The following KRCC1 variants were observed in gnomAD, a reference collection of about 807,000 sequenced individuals.
KRCC1 encodes lysine rich coiled-coil 1, also known as lysine-rich coiled-coil protein 1.
In KRCC1, 3 loss-of-function variants were observed where a neutral mutation model predicts 7.4. That is an observed-to-expected ratio of 0.40 (90% confidence interval 0.18 to 1.04). KRCC1 has a LOEUF of 1.04. Ranked by LOEUF, KRCC1 falls within the 50% of genes least tolerant of loss-of-function variation. KRCC1 has a pLI of 0.33. For synonymous variants in KRCC1, 102 were observed against 101.6 expected (o/e 1.00, Z -0.02); for missense variants, 277 against 300.9 (o/e 0.92, Z 0.59).
At chr2:88,052,325 T>C (rs994174432) in intron 1 of KRCC1, among the ~76,000 whole-genome samples, 7 of 152,264 alleles carry the variant, frequency 4.6e-5, no homozygotes, top group Non-Finnish European at 7.3e-5. Context: ...ATTTGTCTTA[T>C]GCATTTTTTG....
chr2:88,045,313 C>T (rs77263130), intron 1 of KRCC1, among the ~76,000 whole-genome samples: 113 of 152,276 alleles, frequency 7.4e-4, no homozygotes, highest in African/African-American at 2.7e-3. Context: ...ACAGCCAAAA[C>T]CTGAAACAAC....
Position 88,027,910 on chromosome 2 carries a change from C to T in KRCC1, c.654G>A (p.Lys218=). ...HVSTEKLKNR[K]EKKSRDVVSK... Reference sequence around the variant, plus strand: ...AGACTACATCTCGGCTTTTTTTCTCCTTTCGATTCTTAAGCTTTTCTGTAC... The same window carrying T: ...AGACTACATCTCGGCTTTTTTTCTCTTTTCGATTCTTAAGCTTTTCTGTAC... Residue 218 remains lysine (K), a synonymous_variant, in exon 4 of 4, where the codon AAG becomes AAA. Transcript: ENST00000347055. The T allele has an allele frequency of 1.2e-6, 2 of 1,613,316 alleles. No homozygotes were observed. Among genetic ancestry groups the T allele is most frequent in the Non-Finnish European group, 1.7e-6 (2 of 1,179,822 alleles).
chr2:88,055,460 G>A (rs1456914992), intron 1 of KRCC1, among the ~76,000 whole-genome samples, 166 bp downstream of exon 1: 1 of 151,914 alleles, frequency 6.6e-6, no homozygotes, highest in Non-Finnish European at 1.5e-5. Context: ...TCTCTTTCCG[G>A]GGGCGGCGGC....
intron 1 of KRCC1, among the ~76,000 whole-genome samples, chr2:88,051,869 G>A (rs774141476): frequency 3.3e-5 from 5 of 152,230 alleles, no homozygotes; most frequent in Non-Finnish European, 7.3e-5. Context: ...TAAAAGAACT[G>A]AGTTTGGTTG....
At chr2:88,044,687 T>C (rs1479049226) in intron 1 of KRCC1, among the ~76,000 whole-genome samples, 1 of 152,044 alleles carries the variant, frequency 6.6e-6, no homozygotes, top group African/African-American at 2.4e-5. Context: ...AGCCATGCTG[T>C]CTAGTAAAAA....
At chr2:88,043,708 T>C (rs934689429) in intron 1 of KRCC1, among the ~76,000 whole-genome samples, 3 of 152,248 alleles carry the variant, frequency 2.0e-5, no homozygotes, top group African/African-American at 7.2e-5. Flanking sequence ...TTGCTCTTGC[T>C]GCCTAGGCTG....
chr2:88,028,340 C>T lies in KRCC1; in HGVS notation c.224G>A (p.Cys75Tyr), dbSNP rs781355605. 1.2e-6 allele frequency: 2 copies of T among 1,614,128 alleles called. No individual in the cohort carries two copies. Among genetic ancestry groups the T allele is most frequent in the South Asian group, 1.1e-5 (1 of 91,054 alleles). ...SETIQTYPRS[C>Y]NIPQTVENRL... Reference sequence around the variant, plus strand: ...ATTTTCCACTGTTTGTGGAATATTGCATGATCTTGGGTAGGTCTGGATGGT... The same window carrying T: ...ATTTTCCACTGTTTGTGGAATATTGTATGATCTTGGGTAGGTCTGGATGGT... Residue 75 changes from cysteine to tyrosine, a missense_variant, in exon 4 of 4, where the codon TGC becomes TAC. Cys to Tyr is a radical substitution (Grantham distance 194). Coordinates refer to ENST00000347055, the MANE Select transcript of KRCC1 (RefSeq NM_016618.3).
intron 1 of KRCC1, among the ~76,000 whole-genome samples, chr2:88,046,760 T>C (rs530700190): frequency 1.4e-3 from 206 of 152,336 alleles, no homozygotes; most frequent in Non-Finnish European, 2.6e-3. Flanking sequence ...AGCCTCAACC[T>C]CCCAGGCTCA....
At chr2:88,035,724 C>T (rs901559854) in intron 2 of KRCC1, among the ~76,000 whole-genome samples, 12 of 152,060 alleles carry the variant, frequency 7.9e-5, no homozygotes, top group Non-Finnish European at 1.3e-4. Flanking sequence ...TGTATATTTT[C>T]TGTATTTTTC....
rs148814982 is a variant in KRCC1 at position 88,028,049 on chromosome 2, T to G, written c.515A>C (p.Glu172Ala). Reference protein sequence around the residue: ...RHPEEGREKSEEERSKHKRKK... With the variant: ...RHPEEGREKSAEERSKHKRKK... ...TCTCTTATGCTTAGACCGCTCCTCC[T>G]CTGATTTTTCTCTGCCTTCCTCTGG... Residue 172 changes from glutamate (E) to alanine (A), a missense_variant, in exon 4 of 4, where the codon GAG becomes GCG. Coordinates refer to ENST00000347055, the MANE Select transcript of KRCC1 (RefSeq NM_016618.3). 2.9e-4 allele frequency: 476 copies of G among 1,614,192 alleles called. No individual in the cohort carries two copies. Among genetic ancestry groups the G allele is most frequent in the Non-Finnish European group, 3.8e-4 (454 of 1,180,026 alleles).
chr2:88,037,870 G>C (rs969825138), intron 1 of KRCC1, among the ~76,000 whole-genome samples: 5 of 152,216 alleles, frequency 3.3e-5, no homozygotes, highest in African/African-American at 9.7e-5. Flanking sequence ...CTCACTTAAT[G>C]AATTATCTAT....
chr2:88,037,737 A>AC (rs1284090995), intron 1 of KRCC1, among the ~76,000 whole-genome samples: 1 of 152,188 alleles, frequency 6.6e-6, no homozygotes, highest in Non-Finnish European at 1.5e-5. Flanking sequence ...GTGGTAGGCA[A>AC]CCTTCTTCCA....
chr2:88,027,764 G>A lies in KRCC1; in HGVS notation c.*20C>T, dbSNP rs1672901512. 6.5e-7 allele frequency: 1 copy of A among 1,550,056 alleles called. No individual in the cohort carries two copies. The highest frequency in any genetic ancestry group is 1.4e-5 in the African/African-American group (1 of 72,024). The stretch of plus-strand genomic sequence containing the variant: ...ACCTATTTTTTCAATTTAACTTTGG[G>A]AGAACCAACTTTGAAAGCTTCAAAA... On this transcript the variant is annotated 3_prime_UTR_variant, in exon 4 of 4. Transcript: ENST00000347055.
At chr2:88,044,292 G>A (rs550018486) in intron 1 of KRCC1, among the ~76,000 whole-genome samples, 26 of 152,076 alleles carry the variant, frequency 1.7e-4, no homozygotes, top group African/African-American at 6.0e-4. Flanking sequence ...AGTGGCTAAC[G>A]CCTGCAGTCT....
chr2:88,030,100 G>A (rs528223211), intron 3 of KRCC1, among the ~76,000 whole-genome samples: 8 of 150,470 alleles, frequency 5.3e-5, no homozygotes, highest in East Asian at 4.1e-4. Flanking sequence ...TGCCTGCCTC[G>A]GCCTCCCAAA....
At chr2:88,052,040 C>T (rs977092221) in intron 1 of KRCC1, among the ~76,000 whole-genome samples, 8 of 152,350 alleles carry the variant, frequency 5.3e-5, no homozygotes, top group East Asian at 1.9e-4. Flanking sequence ...CCATGTTCCT[C>T]GTGGGTTTAG....
chr2:88,055,128 A>G (rs1673588291), intron 1 of KRCC1, among the ~76,000 whole-genome samples: 1 of 146,898 alleles, frequency 6.8e-6, no homozygotes, highest in African/African-American at 2.5e-5. Context: ...TCTTCCCCCA[A>G]GGGCCCCGCT....
chr2:88,037,655 C>T (rs1417643665), intron 1 of KRCC1, among the ~76,000 whole-genome samples: 3 of 152,172 alleles, frequency 2.0e-5, no homozygotes, highest in Admixed American at 6.5e-5. Context: ...GTGATCCACC[C>T]GCCTTGGCCT....
At chr2:88,032,257 A>T (rs1673008912) in intron 3 of KRCC1, among the ~76,000 whole-genome samples, 1 of 152,164 alleles carries the variant, frequency 6.6e-6, no homozygotes, top group South Asian at 2.1e-4. Flanking sequence ...TCACTGACTC[A>T]GAGCAACTTG....
Sources: gnomAD v4.1 joint callset for allele counts (sites outside exome capture counted in the v4.1 genomes callset) on GRCh38, gnomAD v4.1.1 for gene constraint, MANE v1.5 for transcripts, NCBI Gene and HGNC (gene_info 2026-07-23, HGNC 2026-07-21) for gene names.